The following TRIM33 variants were observed in gnomAD, a reference collection of about 807,000 sequenced individuals.
TRIM33 encodes tripartite motif containing 33, also known as E3 ubiquitin-protein ligase TRIM33.
A neutral mutation model predicts 125.4 loss-of-function variants in TRIM33; 20 were observed. The ratio of observed to expected loss-of-function variants is 0.16; its 90% CI spans 0.11 to 0.23. TRIM33 has a LOEUF of 0.23. TRIM33 is among the 10% of genes least tolerant of loss of function. The pLI, the probability that TRIM33 is intolerant of heterozygous loss-of-function variation, is 1.00. For missense variants in TRIM33, 920 were observed against 1,411.4 expected (o/e 0.65, Z 5.58); for synonymous variants, 564 against 513.9 (o/e 1.10, Z -1.32).
At chr1:114,446,831 G>A (rs1196255827) in intron 4 of TRIM33, among the ~76,000 whole-genome samples, 1 of 152,150 alleles carries the variant, frequency 6.6e-6, no homozygotes, top group African/African-American at 2.4e-5. Flanking sequence ...GAGGCGAGAG[G>A]ATCACACTTG....
At chr1:114,481,968 C>T (rs769930809) in intron 1 of TRIM33, among the ~76,000 whole-genome samples, 4 of 152,008 alleles carry the variant, frequency 2.6e-5, no homozygotes, top group Non-Finnish European at 5.9e-5. Context: ...ACCATGTTGG[C>T]GCGGCTGGTC....
rs1651413885 is a variant in TRIM33 at position 114,394,006 on chromosome 1, GA to G, written c.*3641del. 2.2e-5 allele frequency: 5 copies of G among 225,396 alleles called. No individual in the cohort carries two copies. The highest frequency in any genetic ancestry group is 2.7e-5 in the Non-Finnish European group (3 of 113,070). The allele number at this position is 225,396 out of a possible 1,614,324, so 14.0% of individuals were successfully genotyped here. On this transcript the variant is annotated 3_prime_UTR_variant, in exon 20 of 20. Coordinates refer to ENST00000358465, the MANE Select transcript of TRIM33 (RefSeq NM_015906.4). ...ATCAAGGAGGAGATTAACTGTGAGG[GA>G]AAAAAAATTAAATATCCAGGTCCGG...
intron 1 of TRIM33, among the ~76,000 whole-genome samples, chr1:114,489,003 G>A (rs549548550): frequency 8.1e-4 from 124 of 152,282 alleles, no homozygotes; most frequent in African/African-American, 2.8e-3. Context: ...TAAGCCCTGA[G>A]TGCACCACTG....
At chr1:114,455,161 T>G (rs975510633) in intron 4 of TRIM33, among the ~76,000 whole-genome samples, 1 of 152,134 alleles carries the variant, frequency 6.6e-6, no homozygotes. Flanking sequence ...ACCAGCAGGT[T>G]ATTCCCAAGG....
Position 114,510,780 on chromosome 1 carries a change from T to C in TRIM33, c.297A>G (p.Pro99=). The change falls in exon 1 of 20, where the codon CCA becomes CCG. Residue 99 remains proline (P), a synonymous_variant. Coordinates refer to ENST00000358465, the MANE Select transcript of TRIM33 (RefSeq NM_015906.4). The part of the protein sequence containing the change: ...VAGGAVSTPA[P]APASAPAPGP... ...CCGGAGCGGGAGCCGAGGCTGGAGC[T>C]GGAGCCGGCGTCGATACTGCGCCCC... is the stretch of plus-strand genomic sequence containing the variant. 2 of 1,521,238 alleles carry C rather than the reference T, an allele frequency of 1.3e-6. No homozygotes were observed. Among genetic ancestry groups the C allele is most frequent in the Non-Finnish European group, 1.8e-6 (2 of 1,139,980 alleles). 94.2% of individuals were successfully genotyped at this position (1,521,238 alleles called of 1,614,324 possible).
chr1:114,462,051 C>T (rs1572083708), intron 4 of TRIM33, among the ~76,000 whole-genome samples: 1 of 152,186 alleles, frequency 6.6e-6, no homozygotes, highest in South Asian at 2.1e-4. Flanking sequence ...AGTCTGACTA[C>T]CTGTATTCAA....
At chr1:114,508,796 T>G (rs1432896305) in intron 1 of TRIM33, among the ~76,000 whole-genome samples, 1 of 152,188 alleles carries the variant, frequency 6.6e-6, no homozygotes, top group African/African-American at 2.4e-5. Flanking sequence ...TACCATTTCA[T>G]TAGTAACTAC....
At chr1:114,415,631 A>T (rs116500007) in intron 11 of TRIM33, among the ~76,000 whole-genome samples, 3,922 of 152,188 alleles carry the variant, frequency 0.026, 86 homozygotes, top group Non-Finnish European at 0.034. Context: ...TGTACCAATA[A>T]GCTCACTGTT....
chr1:114,428,083 C>A (rs1209892624), intron 6 of TRIM33, among the ~76,000 whole-genome samples, 189 bp from the exon 7 acceptor site: 1 of 152,194 alleles, frequency 6.6e-6, no homozygotes, highest in African/African-American at 2.4e-5. Flanking sequence ...AAAGTCAGTT[C>A]TCTAAGCTAA....
chr1:114,432,773 G>A (rs192412871), intron 5 of TRIM33, among the ~76,000 whole-genome samples: 53 of 152,018 alleles, frequency 3.5e-4, no homozygotes, highest in African/African-American at 1.2e-3. Context: ...GCGACAGACC[G>A]AGACTCCGTC....
intron 8 of TRIM33, 22 bp downstream of exon 8, chr1:114,427,155 C>T (rs1647640398): frequency 8.4e-7 from 1 of 1,196,360 alleles, no homozygotes. Context: ...AAGTTATATT[C>T]ATAAAACTCA....
intron 1 of TRIM33, among the ~76,000 whole-genome samples, chr1:114,489,770 A>T (rs74564522): frequency 2.0e-5 from 3 of 152,092 alleles, no homozygotes; most frequent in African/African-American, 7.2e-5. Context: ...AAATAAAAAA[A>T]ACATGTGCTG....
chr1:114,488,590 C>A (rs1239959750), intron 1 of TRIM33, among the ~76,000 whole-genome samples: 1 of 151,960 alleles, frequency 6.6e-6, no homozygotes, highest in East Asian at 1.9e-4. Flanking sequence ...AATACAAGAC[C>A]CCATCTCTAC....
intron 1 of TRIM33, among the ~76,000 whole-genome samples, chr1:114,467,950 T>C (rs1650404799): frequency 6.6e-6 from 1 of 152,214 alleles, no homozygotes; most frequent in African/African-American, 2.4e-5. Context: ...AGAGAATTTA[T>C]ACCTACAGCC....
chr1:114,464,029 T>TA (rs1650148153), intron 2 of TRIM33, among the ~76,000 whole-genome samples: 2 of 152,014 alleles, frequency 1.3e-5, no homozygotes, highest in African/African-American at 4.8e-5. Flanking sequence ...TCAGCCTCCC[T>TA]AAGTGCTGCG....
chr1:114,417,985 G>A (rs1047309876), intron 11 of TRIM33, among the ~76,000 whole-genome samples: 1 of 152,190 alleles, frequency 6.6e-6, no homozygotes, highest in African/African-American at 2.4e-5. Context: ...TCTATCATGT[G>A]ACTCTAGGAA....
chr1:114,407,198 T>C (rs41274116), intron 13 of TRIM33, 98 bp from the exon 14 acceptor site: 59,583 of 1,018,966 alleles, frequency 0.058, 1,973 homozygotes, highest in African/African-American at 0.092. Context: ...GTGAAGACAA[T>C]AGACAATTAA....
At chr1:114,443,653 A>G (rs1024707580) in intron 4 of TRIM33, among the ~76,000 whole-genome samples, 1 of 152,242 alleles carries the variant, frequency 6.6e-6, no homozygotes, top group African/African-American at 2.4e-5. Context: ...GGTTTTAAGT[A>G]GCCACTCTCT....
At chr1:114,398,422 C>G (rs1271184039) in intron 18 of TRIM33, among the ~76,000 whole-genome samples, 3 of 152,080 alleles carry the variant, frequency 2.0e-5, no homozygotes, top group Admixed American at 1.3e-4. Flanking sequence ...GTCTTCTTAT[C>G]AACTATAGTT....
Sources: allele counts gnomAD v4.1 joint callset (sites outside exome capture counted in the v4.1 genomes callset), GRCh38; gene constraint gnomAD v4.1.1; transcripts MANE v1.5; gene names NCBI Gene and HGNC (gene_info 2026-07-23, HGNC 2026-07-21).